The following SLC17A1 variants were observed in gnomAD, a reference collection of about 807,000 sequenced individuals.
SLC17A1 encodes solute carrier family 17 member 1.
SLC17A1 carries 51 observed loss-of-function variants against 53.5 expected under a neutral mutation model. The ratio of observed to expected loss-of-function variants is 0.95; its 90% CI spans 0.76 to 1.20. The LOEUF is 1.20. Among genes scored for constraint, SLC17A1 ranks in the 50% most tolerant of loss-of-function variants. The probability of loss-of-function intolerance (pLI) is 0.00; values close to 1 mark genes in which losing one functional copy is unlikely to be tolerated. For missense variants in SLC17A1, 538 were observed against 568.2 expected, an observed-to-expected ratio of 0.95 and a Z score of 0.54; for synonymous variants, 179 against 198.8, an observed-to-expected ratio of 0.90 and a Z score of 0.84.
chr6:25,727,393 G>C, the SLC17A1 span: 1 of 1,013,612 alleles, frequency 9.9e-7, no homozygotes, highest in South Asian at 2.0e-5. Flanking sequence ...GTTTCTAACC[G>C]TAAGGGTTTT....
At chr6:25,809,631 T>G (rs1447281708) in intron 10 of SLC17A1, among the ~76,000 whole-genome samples, 1 of 152,040 alleles carries the variant, frequency 6.6e-6, no homozygotes, top group African/African-American at 2.4e-5. Context: ...CACAAACAAA[T>G]GTAAAGATAT....
At chr6:25,769,062 T>C in the SLC17A1 span, 6 of 1,613,990 alleles carry the variant, frequency 3.7e-6, no homozygotes, top group African/African-American at 8.0e-5. Context: ...ACAAATGAAC[T>C]TGAGCATTGC....
At chr6:25,797,171 G>C (rs993774783) in intron 12 of SLC17A1, among the ~76,000 whole-genome samples, 1 of 152,114 alleles carries the variant, frequency 6.6e-6, no homozygotes, top group South Asian at 2.1e-4. Flanking sequence ...ACCCTCCTTG[G>C]TTTTACATCC....
At chr6:25,726,875 G>A in the SLC17A1 span, 11 of 1,579,618 alleles carry the variant, frequency 7.0e-6, no homozygotes, top group African/African-American at 4.1e-5. Flanking sequence ...CCCTGGAAAA[G>A]AACCGTGTAA....
the SLC17A1 span, among the ~76,000 whole-genome samples, chr6:25,767,581 A>C: frequency 6.6e-6 from 1 of 152,284 alleles, no homozygotes; most frequent in African/African-American, 2.4e-5. Context: ...TATAAAACTT[A>C]TGTATCCCCA....
At chr6:25,831,399 A>G (rs1279519391) in intron 1 of SLC17A1, among the ~76,000 whole-genome samples, 2 of 152,196 alleles carry the variant, frequency 1.3e-5, no homozygotes, top group Non-Finnish European at 2.9e-5. Flanking sequence ...GCAATTTGTC[A>G]ACCATCATTA....
downstream of SLC17A1, among the ~76,000 whole-genome samples, chr6:25,781,976 G>A (rs1581440647): frequency 6.6e-6 from 1 of 152,226 alleles, no homozygotes; most frequent in East Asian, 1.9e-4. Flanking sequence ...GAAGGTGCTA[G>A]CTGACAGAGA....
In SLC17A1 at chr6:25,828,421, CATAA is replaced by C. The variant is rs140762421; in HGVS notation, c.35-1792_35-1789del. On this transcript the variant is annotated intron_variant, in intron 2 of 12. Coordinates refer to ENST00000244527, the MANE Select transcript of SLC17A1 (RefSeq NM_005074.5). ...TTTTATTGCAAATAAATATTAATAT[CATAA>C]ATAAATAGATTTTTTATATCTATTG... Among the ~76,000 whole-genome samples the C allele has an allele frequency of 6.4e-3, 972 of 152,138 alleles. 7 individuals carry two copies. The highest frequency in any genetic ancestry group is 0.02 in the African/African-American group (846 of 41,506).
At chr6:25,760,445 T>A in the SLC17A1 span, among the ~76,000 whole-genome samples, 10 of 152,224 alleles carry the variant, frequency 6.6e-5, no homozygotes, top group Non-Finnish European at 1.3e-4. Flanking sequence ...TATGTTTAGG[T>A]GTAAATTTCA....
At chr6:25,814,813 G>A (rs775512319) in intron 6 of SLC17A1, among the ~76,000 whole-genome samples, 1 of 152,088 alleles carries the variant, frequency 6.6e-6, no homozygotes, top group Non-Finnish European at 1.5e-5. Context: ...GTGAAGCCCC[G>A]TCTCTTCTAA....
At chr6:25,766,516 A>G in the SLC17A1 span, among the ~76,000 whole-genome samples, 2 of 152,140 alleles carry the variant, frequency 1.3e-5, no homozygotes, top group Non-Finnish European at 2.9e-5. Context: ...TTAAAAGGAG[A>G]AAAAGAAAAA....
chr6:25,744,040 G>A, the SLC17A1 span, among the ~76,000 whole-genome samples: 1 of 152,170 alleles, frequency 6.6e-6, no homozygotes, highest in Non-Finnish European at 1.5e-5. Flanking sequence ...ATAGAAGAGA[G>A]TCATTGAAGG....
intron 10 of SLC17A1, among the ~76,000 whole-genome samples, chr6:25,801,521 G>T (rs937074470): frequency 6.6e-6 from 1 of 152,186 alleles, no homozygotes; most frequent in African/African-American, 2.4e-5. Flanking sequence ...ATAGATAAAG[G>T]GGTCAAACCC....
chr6:25,791,850 G>A (rs768980483), intron 12 of SLC17A1, among the ~76,000 whole-genome samples: 2 of 152,220 alleles, frequency 1.3e-5, no homozygotes, highest in African/African-American at 2.4e-5. Flanking sequence ...TGAAGTGACC[G>A]AGTCCATTTG....
At chr6:25,829,032 A>AT (rs535579474) in intron 2 of SLC17A1, among the ~76,000 whole-genome samples, 133 of 152,228 alleles carry the variant, frequency 8.7e-4, no homozygotes, top group Middle Eastern at 3.4e-3. Flanking sequence ...AAAATAAACC[A>AT]TTTTTTTAAA....
the SLC17A1 span, among the ~76,000 whole-genome samples, chr6:25,763,266 C>T: frequency 6.6e-6 from 1 of 152,126 alleles, no homozygotes; most frequent in Non-Finnish European, 1.5e-5. Flanking sequence ...CCCACTTTAC[C>T]CTGGCCTGTT....
the SLC17A1 span, among the ~76,000 whole-genome samples, chr6:25,752,160 G>A: frequency 6.6e-6 from 1 of 152,202 alleles, no homozygotes; most frequent in Non-Finnish European, 1.5e-5. Context: ...CTGTGCGGCA[G>A]TTTTGTTGTG....
the SLC17A1 span, among the ~76,000 whole-genome samples, chr6:25,772,637 G>A: frequency 6.6e-6 from 1 of 152,104 alleles, no homozygotes; most frequent in South Asian, 2.1e-4. Flanking sequence ...TCTACAAATT[G>A]GGTAATTAAT....
intron 10 of SLC17A1, among the ~76,000 whole-genome samples, chr6:25,807,062 T>G (rs184742372): frequency 9.2e-5 from 14 of 152,200 alleles, no homozygotes; most frequent in Non-Finnish European, 1.3e-4. Context: ...AAGAGATTGC[T>G]TAATACACTG....
Sources: allele counts gnomAD v4.1 joint callset (sites outside exome capture counted in the v4.1 genomes callset), GRCh38; gene constraint gnomAD v4.1.1; transcripts MANE v1.5; gene names NCBI Gene and HGNC (gene_info 2026-07-23, HGNC 2026-07-21).